Variants in FHIT observed in about 807,000 individuals in gnomAD.
The protein encoded by FHIT is bis(5'-adenosyl)-triphosphatase.
In FHIT, 19 loss-of-function variants were observed where a neutral mutation model predicts 17.9. The observed-to-expected ratio is 1.06, with a 90% confidence interval of 0.74 to 1.56. The LOEUF is 1.56. Ranked by LOEUF, FHIT falls within the 40% of genes most tolerant of loss-of-function variation. The pLI is 0.00. For missense variants in FHIT, 248 were observed against 189.2 expected (o/e 1.31, Z -1.82); for synonymous variants, 81 against 69.7 (o/e 1.16, Z -0.81).
chr3:60,978,459 A>G (rs1018585878), intron 3 of FHIT, among the ~76,000 whole-genome samples: 1 of 152,194 alleles, frequency 6.6e-6, no homozygotes, highest in Non-Finnish European at 1.5e-5. Flanking sequence ...TTTTCTTTAC[A>G]GGTATTTCAC....
intron 4 of FHIT, among the ~76,000 whole-genome samples, chr3:60,664,419 T>C (rs914247118): frequency 2.0e-5 from 3 of 152,066 alleles, no homozygotes; most frequent in East Asian, 1.9e-4. Flanking sequence ...CATTGAACTA[T>C]AGTCTTCTTT....
At chr3:60,070,850 T>C (rs1208763774) in intron 5 of FHIT, among the ~76,000 whole-genome samples, 1 of 152,214 alleles carries the variant, frequency 6.6e-6, no homozygotes, top group Non-Finnish European at 1.5e-5. Context: ...TGGATGGCAT[T>C]TGTCTTACCT....
chr3:61,210,310 A>T (rs1456912975), intron 1 of FHIT, among the ~76,000 whole-genome samples: 2 of 152,192 alleles, frequency 1.3e-5, no homozygotes, highest in Non-Finnish European at 2.9e-5. Context: ...GCGTGCTGGG[A>T]GAACCACTAC....
intron 7 of FHIT, among the ~76,000 whole-genome samples, chr3:59,931,894 C>A (rs777819173): frequency 6.6e-6 from 1 of 151,882 alleles, no homozygotes; most frequent in African/African-American, 2.4e-5. Context: ...TTGCTCCAAG[C>A]CACAATGAGA....
At chr3:59,911,265 C>T (rs551928651) in intron 8 of FHIT, among the ~76,000 whole-genome samples, 2 of 151,998 alleles carry the variant, frequency 1.3e-5, no homozygotes, top group East Asian at 3.9e-4. Context: ...ATCAGTTGTC[C>T]AAGTTTTATA....
At chr3:60,718,030 T>C (rs2041726657) in intron 4 of FHIT, among the ~76,000 whole-genome samples, 1 of 152,244 alleles carries the variant, frequency 6.6e-6, no homozygotes, top group African/African-American at 2.4e-5. Context: ...GTTGTTATAT[T>C]TGTTTTCATT....
intron 5 of FHIT, among the ~76,000 whole-genome samples, chr3:60,207,553 G>A (rs112445526): frequency 5.9e-5 from 9 of 152,042 alleles, no homozygotes; most frequent in African/African-American, 1.9e-4. Flanking sequence ...AGTATAAAGC[G>A]AATTTAGAAT....
intron 2 of FHIT, among the ~76,000 whole-genome samples, chr3:61,048,973 T>A (rs1223996143): frequency 6.6e-6 from 1 of 151,700 alleles, no homozygotes; most frequent in Non-Finnish European, 1.5e-5. Context: ...CAGGGCCTGT[T>A]GTGGGGTTGG....
At chr3:60,362,000 C>G (rs1267414715) in intron 5 of FHIT, among the ~76,000 whole-genome samples, 1 of 152,168 alleles carries the variant, frequency 6.6e-6, no homozygotes, top group East Asian at 1.9e-4. Context: ...CACATCGTCA[C>G]TCAACCAAAC....
At chr3:59,880,110 C>A (rs533329052) in intron 8 of FHIT, among the ~76,000 whole-genome samples, 56 of 152,326 alleles carry the variant, frequency 3.7e-4, no homozygotes, top group African/African-American at 1.3e-3. Flanking sequence ...CAAGAAGCTG[C>A]CTCATAACGA....
chr3:60,140,902 C>G (rs1700014148), intron 5 of FHIT, among the ~76,000 whole-genome samples: 1 of 152,046 alleles, frequency 6.6e-6, no homozygotes, highest in South Asian at 2.1e-4. Context: ...CTCTTAACAA[C>G]ACTGAGTACT....
At chr3:59,758,986 C>T (rs1469586525) in intron 8 of FHIT, among the ~76,000 whole-genome samples, 1 of 151,920 alleles carries the variant, frequency 6.6e-6, no homozygotes, top group East Asian at 1.9e-4. Flanking sequence ...GTTATAAGAA[C>T]TCCGTCAAAA....
intron 5 of FHIT, among the ~76,000 whole-genome samples, chr3:60,125,617 CAA>C (rs200255368): frequency 1.8e-4 from 22 of 122,730 alleles, no homozygotes; most frequent in Non-Finnish European, 2.4e-4. Flanking sequence ...GACACTGTCT[CAA>C]AAAAAAAAAA....
At chr3:60,026,021 G>C (rs71313738) in intron 5 of FHIT, among the ~76,000 whole-genome samples, 11 of 151,958 alleles carry the variant, frequency 7.2e-5, no homozygotes, top group South Asian at 2.1e-4. Context: ...GCCTGTAAAG[G>C]GGGGGAAAGA....
intron 5 of FHIT, among the ~76,000 whole-genome samples, chr3:60,153,083 A>G (rs1360888003): frequency 6.6e-6 from 1 of 152,124 alleles, no homozygotes; most frequent in African/African-American, 2.4e-5. Flanking sequence ...CAGCCAACAC[A>G]CGACTAACAG....
chr3:60,389,485 C>T (rs1013331418), intron 5 of FHIT, among the ~76,000 whole-genome samples: 18 of 152,280 alleles, frequency 1.2e-4, no homozygotes, highest in East Asian at 1.2e-3. Flanking sequence ...TTATACACTC[C>T]AAATTACAAC....
intron 8 of FHIT, among the ~76,000 whole-genome samples, chr3:59,852,357 T>C (rs1482957514): frequency 6.6e-6 from 1 of 152,214 alleles, no homozygotes; most frequent in African/African-American, 2.4e-5. Flanking sequence ...AATACTCATT[T>C]TAAAACAGTA....
chr3:61,248,498 G>C (rs1410781107), intron 1 of FHIT, among the ~76,000 whole-genome samples: 1 of 152,162 alleles, frequency 6.6e-6, no homozygotes, highest in Non-Finnish European at 1.5e-5. Flanking sequence ...CTTCCAAAAT[G>C]AAAGTCACAA....
At chr3:60,524,652 C>T (rs540277359) in intron 5 of FHIT, among the ~76,000 whole-genome samples, 17 of 152,268 alleles carry the variant, frequency 1.1e-4, no homozygotes, top group Admixed American at 2.6e-4. Context: ...AGCAGGGCCA[C>T]GCTCCCTCTT....
Sources: gnomAD v4.1 joint callset for allele counts (sites outside exome capture counted in the v4.1 genomes callset) on GRCh38, gnomAD v4.1.1 for gene constraint, MANE v1.5 for transcripts, NCBI Gene and HGNC (gene_info 2026-07-23, HGNC 2026-07-21) for gene names.